CUX1: variants seen among roughly 807,000 people sequenced by gnomAD.
CUX1 encodes protein CASP.
A neutral mutation model predicts 158.8 loss-of-function variants in CUX1; 31 were observed. That is an observed-to-expected ratio of 0.20 (90% CI 0.15 to 0.26). The LOEUF is 0.26. CUX1 is among the 10% of genes least tolerant of loss of function. CUX1 has a pLI of 1.00. For synonymous variants in CUX1, 879 were observed against 862.1 expected, an observed-to-expected ratio of 1.02 and a Z score of -0.34; for missense variants, 1,589 against 2,014.6, an observed-to-expected ratio of 0.79 and a Z score of 4.04.
chr7:102,055,473 A>G (rs1412544219), intron 3 of CUX1, among the ~76,000 whole-genome samples: 1 of 152,182 alleles, frequency 6.6e-6, no homozygotes, highest in Non-Finnish European at 1.5e-5. Flanking sequence ...CACTATTATT[A>G]TATCTGATAT....
chr7:102,176,684 G>A (rs1193035252), intron 10 of CUX1, among the ~76,000 whole-genome samples: 3 of 135,380 alleles, frequency 2.2e-5, no homozygotes, highest in Admixed American at 8.1e-5. Context: ...CAATCCTCCC[G>A]CCCCAGCCTC....
rs116665317 is a variant in CUX1 at position 101,910,141 on chromosome 7, G to A, written c.31-5974G>A. ...TCACCATGATGGCCAAGCTGGTTTCGAACTCCTGACAATTATACTTTTTGA... is the reference window on the plus strand; with the variant it reads ...TCACCATGATGGCCAAGCTGGTTTCAAACTCCTGACAATTATACTTTTTGA... On this transcript the variant is annotated intron_variant, in intron 1 of 23. Coordinates refer to ENST00000292535, the MANE Select transcript of CUX1 (RefSeq NM_181552.4). 6.1e-3 allele frequency among the ~76,000 whole-genome samples: 920 copies of A among 151,940 alleles called. 9 individuals are homozygous for A. The highest frequency in any genetic ancestry group is 0.02 in the African/African-American group (845 of 41,454).
At chr7:102,013,787 C>T (rs1818297401) in intron 2 of CUX1, among the ~76,000 whole-genome samples, 1 of 152,168 alleles carries the variant, frequency 6.6e-6, no homozygotes, top group African/African-American at 2.4e-5. Flanking sequence ...TCACTGCACC[C>T]TCGACCTCTC....
At chr7:102,127,399 C>T (rs1245701604) in intron 8 of CUX1, among the ~76,000 whole-genome samples, 1 of 151,986 alleles carries the variant, frequency 6.6e-6, no homozygotes, top group African/African-American at 2.4e-5. Context: ...GAGACAGGGT[C>T]TTGCCGTGTT....
intron 11 of CUX1, among the ~76,000 whole-genome samples, chr7:102,179,031 ATTTG>A (rs1195080750): frequency 6.6e-6 from 1 of 151,918 alleles, no homozygotes; most frequent in South Asian, 2.1e-4. Context: ...TGCCCGGCTT[ATTTG>A]TTTATTTATT....
intron 20 of CUX1, among the ~76,000 whole-genome samples, chr7:102,222,620 C>T (rs1797915763): frequency 6.6e-6 from 1 of 151,790 alleles, no homozygotes; most frequent in Admixed American, 6.6e-5. Context: ...TGTGACTCAT[C>T]GTTAAGTCTT....
intron 3 of CUX1, among the ~76,000 whole-genome samples, chr7:102,051,204 G>A (rs1823452843): frequency 2.0e-5 from 3 of 152,114 alleles, no homozygotes; most frequent in Admixed American, 2.0e-4. Flanking sequence ...ACACGTCTCT[G>A]TGTCTTTGAA....
rs987726732 is a variant in CUX1, at chr7:101,898,463, G to T, written c.31-17652G>T. Among the ~76,000 whole-genome samples the T allele has an allele frequency of 4.6e-5, 7 of 152,210 alleles. No individual in the cohort carries two copies. The South Asian group carries it at 1.2e-3, about 27-fold the overall frequency. ...TCCAATGCCATTCAGTGCCAGGCTC[G>T]TAATTCCCTCTTAGTTTATCCTATT... is the stretch of plus-strand genomic sequence containing the variant. On this transcript the variant is annotated intron_variant, in intron 1 of 23. Transcript: ENST00000292535.
chr7:101,916,389 A>T lies in CUX1; in HGVS notation c.141+164A>T, dbSNP rs115197789. The T allele has an allele frequency of 3.8e-3, 2,065 of 549,748 alleles. 31 individuals are homozygous for T. Among genetic ancestry groups the T allele is most frequent in the African/African-American group, 0.035 (1,880 of 53,028 alleles). 34.1% of individuals were successfully genotyped at this position (549,748 alleles called of 1,614,324 possible). On this transcript the variant is annotated intron_variant, in intron 2 of 23. Transcript: ENST00000292535. This position sits in a 1 kb window ranked among gnomAD's most constrained non-coding sequence, Gnocchi z 4.4. The stretch of plus-strand genomic sequence containing the variant: ...TTCAGCCCCATTTCCAGCAGAACGC[A>T]TGCCATCCTGCAGGCTGTGGGGATG...
At chr7:102,234,714 G>T (rs1248587023) in intron 22 of CUX1, among the ~76,000 whole-genome samples, 3 of 147,142 alleles carry the variant, frequency 2.0e-5, no homozygotes, top group Non-Finnish European at 4.4e-5. Flanking sequence ...GAGGTCAGGA[G>T]TTCAAGACCA....
chr7:102,150,452 G>A (rs558555059), intron 8 of CUX1, among the ~76,000 whole-genome samples: 1 of 152,298 alleles, frequency 6.6e-6, no homozygotes, highest in South Asian at 2.1e-4. Flanking sequence ...CACTGGGCCC[G>A]GCCGAGACTA....
At chr7:102,241,427 G>C (rs189776392) in intron 23 of CUX1, among the ~76,000 whole-genome samples, 41 of 152,230 alleles carry the variant, frequency 2.7e-4, no homozygotes, top group Admixed American at 2.1e-3. Flanking sequence ...GTTCAACCAA[G>C]GTCACCCTAC....
At chr7:101,893,158 CT>C (rs10589615) in intron 1 of CUX1, among the ~76,000 whole-genome samples, 13 of 64,954 alleles carry the variant, frequency 2.0e-4, no homozygotes, top group African/African-American at 7.3e-4. Context: ...ATTTTTATTA[CT>C]TTTTTTTTTT....
intron 2 of CUX1, chr7:101,961,326 A>T (rs1810465323): frequency 6.6e-6 from 1 of 152,202 alleles, no homozygotes; most frequent in African/African-American, 2.4e-5. Flanking sequence ...GGGTTGAACG[A>T]GCTCAGTGCA....
chr7:102,275,718 T>C (rs1395310820), intron 17 of CUX1, among the ~76,000 whole-genome samples: 1 of 152,070 alleles, frequency 6.6e-6, no homozygotes, highest in Non-Finnish European at 1.5e-5. Context: ...ACTGCAAGAA[T>C]GCAGGGTGAG....
rs1239058977 is a variant in CUX1 at position 102,201,072 on chromosome 7, C to T, written c.2063-288C>T. On this transcript the variant is annotated intron_variant, in intron 17 of 23. Coordinates refer to ENST00000292535, the MANE Select transcript of CUX1 (RefSeq NM_181552.4). This position sits in a 1 kb window ranked among gnomAD's most constrained non-coding sequence, Gnocchi z 5.0. ...AAAAAAAATTCTCGGGGAAAGGAGC[C>T]CCAGGAGGGCAGGTCGGGGAGCACT... 2.0e-5 allele frequency among the ~76,000 whole-genome samples: 3 copies of T among 149,590 alleles called. No individual in the cohort carries two copies.
chr7:101,901,247 TATTGGGTC>T (rs1307743953), intron 1 of CUX1, among the ~76,000 whole-genome samples: 2 of 151,918 alleles, frequency 1.3e-5, no homozygotes, highest in Non-Finnish European at 2.9e-5. Context: ...AATCACCCAA[TATTGGGTC>T]ACCAGCCTTC....
intron 3 of CUX1, among the ~76,000 whole-genome samples, chr7:102,049,696 A>C (rs936651913): frequency 1.3e-5 from 2 of 152,102 alleles, no homozygotes; most frequent in African/African-American, 4.8e-5. Context: ...CAAAAACAAA[A>C]AAAGAAAAAC....
At chr7:101,987,922 G>A (rs902521085) in intron 2 of CUX1, among the ~76,000 whole-genome samples, 6 of 152,202 alleles carry the variant, frequency 3.9e-5, no homozygotes, top group African/African-American at 1.2e-4. Flanking sequence ...TGTAAGAAGC[G>A]TTTTTTCAGG....
Sources: allele counts gnomAD v4.1 joint callset (sites outside exome capture counted in the v4.1 genomes callset), GRCh38; gene constraint gnomAD v4.1.1; non-coding constraint Gnocchi (gnomAD v3.1); transcripts MANE v1.5; gene names NCBI Gene and HGNC (gene_info 2026-07-23, HGNC 2026-07-21).